The following IFI35 variants were observed in gnomAD, a reference collection of about 807,000 sequenced individuals.
IFI35 encodes the protein interferon induced protein 35, also known as interferon-induced 35 kDa protein.
A neutral mutation model predicts 28.6 loss-of-function variants in IFI35; 30 were observed. That is an observed-to-expected ratio of 1.05 (90% CI 0.79 to 1.43). The LOEUF is 1.43. Ranked by LOEUF, IFI35 falls within the 40% of genes most tolerant of loss-of-function variation. IFI35 has a pLI of 0.00. For synonymous variants in IFI35, 146 were observed against 154.8 expected (o/e 0.94, Z 0.42); for missense variants, 372 against 356.9 (o/e 1.04, Z -0.34).
intron 1 of IFI35, among the ~76,000 whole-genome samples, chr17:43,010,326 G>A (rs1407824746): frequency 6.6e-6 from 1 of 151,870 alleles, no homozygotes; most frequent in Admixed American, 6.6e-5. Context: ...CCAGGAGGTC[G>A]AGGCTGCAGT....
chr17:43,008,745 G>A (rs541952007), intron 1 of IFI35, among the ~76,000 whole-genome samples: 6 of 151,594 alleles, frequency 4.0e-5, no homozygotes, highest in Non-Finnish European at 8.8e-5. Context: ...GGATGGTCTC[G>A]AACTCCTGAC....
chr17:43,010,217 A>G (rs1400237049), intron 1 of IFI35, among the ~76,000 whole-genome samples: 3 of 150,768 alleles, frequency 2.0e-5, no homozygotes, highest in African/African-American at 7.3e-5. Context: ...CCTGGGCGAC[A>G]GGGTGAGACT....
At chr17:43,009,346 C>T (rs1351666480) in intron 1 of IFI35, among the ~76,000 whole-genome samples, 3 of 152,088 alleles carry the variant, frequency 2.0e-5, no homozygotes, top group African/African-American at 7.2e-5. Context: ...GGGCCTGGGT[C>T]CGTGGCTCCT....
chr17:43,007,879 A>G (rs1255002836), intron 1 of IFI35, among the ~76,000 whole-genome samples: 4 of 145,386 alleles, frequency 2.8e-5, no homozygotes, highest in African/African-American at 7.8e-5. Context: ...ATATACTATA[A>G]GAATTATACT....
At chr17:43,011,243 G>A (rs1009246342) in intron 1 of IFI35, among the ~76,000 whole-genome samples, 5 of 152,190 alleles carry the variant, frequency 3.3e-5, no homozygotes, top group African/African-American at 1.2e-4. Context: ...GATTGGCCAG[G>A]CATTGTGGCT....
chr17:43,008,503 A>C (rs1597776908), intron 1 of IFI35, among the ~76,000 whole-genome samples: 1 of 135,914 alleles, frequency 7.4e-6, no homozygotes, highest in Admixed American at 7.7e-5. Flanking sequence ...CACACATGCC[A>C]CCACGCCTGG....
rs1235165270 is a variant in IFI35 at position 43,014,435 on chromosome 17, AG to A, written c.*137del. 12 of 492,258 alleles carry A rather than the reference AG, an allele frequency of 2.4e-5. No homozygotes were observed. Among genetic ancestry groups the A allele is most frequent in the Middle Eastern group, 1.1e-3 (2 of 1,886 alleles). The allele number at this position is 492,258 out of a possible 1,614,324, so 30.5% of individuals were successfully genotyped here. A position where few individuals can be genotyped will look rare whatever the true frequency, so the allele number is the denominator to read the frequency against. ...CACATTGCAAAACACTGCCCAGAAC[AG>A]TAAAAAGAGCCTGCATGCCATGATG... On this transcript the variant is annotated 3_prime_UTR_variant, in exon 7 of 7. Transcript: ENST00000415816.
intron 1 of IFI35, among the ~76,000 whole-genome samples, chr17:43,008,882 T>G (rs1345480928): frequency 6.6e-6 from 1 of 152,108 alleles, no homozygotes; most frequent in East Asian, 1.9e-4. Flanking sequence ...CTCGAACTCC[T>G]GACCTCACAT....
Position 43,013,285 on chromosome 17 carries a change from A to G in IFI35, c.287A>G (p.Gln96Arg). The G allele has an allele frequency of 6.2e-7, 1 of 1,614,158 alleles. No homozygotes were observed. Residue 96 changes from glutamine to arginine, a missense_variant, in exon 4 of 7, where the codon CAA becomes CGA. Coordinates refer to ENST00000415816, the MANE Select transcript of IFI35 (RefSeq NM_001330230.2). ...CACCCAGTGGCTGAGCAGGTGCTGCAACAAAAGGAGCACACGATCAACATG... is the reference window on the plus strand; with the variant it reads ...CACCCAGTGGCTGAGCAGGTGCTGCGACAAAAGGAGCACACGATCAACATG... ...DDPKVAEQVL[Q>R]QKEHTINMEE...
Position 43,014,323 on chromosome 17 carries a change from C to T in IFI35, c.*24C>T, listed in dbSNP as rs1005817035. The T allele has an allele frequency of 6.7e-7, 1 of 1,495,806 alleles. No homozygotes were observed. The allele number at this position is 1,495,806 out of a possible 1,614,324, so 92.7% of individuals were successfully genotyped here. Reference sequence around the variant, plus strand: ...AGGGGCCTCCCCTTCTCATCCTCCCCACCCCCCCGCCAAGGTTCTCACACT... The same window carrying T: ...AGGGGCCTCCCCTTCTCATCCTCCCTACCCCCCCGCCAAGGTTCTCACACT... On this transcript the variant is annotated 3_prime_UTR_variant, in exon 7 of 7. Coordinates refer to ENST00000415816, the MANE Select transcript of IFI35 (RefSeq NM_001330230.2).
chr17:43,013,611 G>C lies in IFI35; in HGVS notation c.511G>C (p.Val171Leu), dbSNP rs140488187. The change falls in exon 5 of 7, where the codon GTT becomes CTT. Residue 171 changes from valine (V) to leucine (L), a missense_variant. Physicochemically the swap from Val to Leu is conservative, Grantham distance 32. Transcript: ENST00000415816. ...TAGGAACGGAGGTGGCGATGTGGAC[G>C]TTCGGGAGCTACTGCCAGGGAGTGT... ...KTRNGGGDVDVRELLPGSVML... is the reference protein window; with the variant it reads ...KTRNGGGDVDLRELLPGSVML... 4 of 1,614,058 alleles carry C rather than the reference G, an allele frequency of 2.5e-6. No individual in the cohort carries two copies. The Admixed American group carries it at 5.0e-5, about 20-fold the overall frequency.
At chr17:43,011,100 C>T (rs983538008) in intron 1 of IFI35, among the ~76,000 whole-genome samples, 1 of 152,194 alleles carries the variant, frequency 6.6e-6, no homozygotes, top group South Asian at 2.1e-4. Context: ...TACCTCCCCA[C>T]TCTGGGCTTC....
intron 1 of IFI35, among the ~76,000 whole-genome samples, chr17:43,007,847 T>TTTTATATATATATATA (rs1375752219): frequency 0.019 from 2,198 of 118,604 alleles, 44 homozygotes; most frequent in East Asian, 0.041. Context: ...CACACAAAAT[T>TTTTATATATATATATA]TATATATATA....
intron 1 of IFI35, 46 bp from the exon 2 acceptor site, chr17:43,012,133 C>T (rs765559644): frequency 9.3e-6 from 13 of 1,403,330 alleles, no homozygotes; most frequent in Non-Finnish European, 1.3e-5. Context: ...TGTTGATTCT[C>T]TGGAAGGGCG....
In IFI35 at chr17:43,012,206, GC is replaced by G; in HGVS notation, c.51del (p.Arg18AspfsTer4). On this transcript the variant is annotated frameshift_variant, in exon 2 of 7. Coordinates refer to ENST00000415816, the MANE Select transcript of IFI35 (RefSeq NM_001330230.2). LOFTEE classifies it high-confidence loss of function. ...CCTCCACGCCCTTCAGGAGGAGCAG[GC>G]CAGACTCAAGATGAGGCTGTGGGAC... ...AALHALQEEQ[A>X]RLKMRLWDLQ... is the part of the protein sequence containing the mutation. 6.3e-7 allele frequency: 1 copy of G among 1,576,764 alleles called. No individual in the cohort carries two copies.
rs528191120 is a variant in IFI35, at chr17:43,013,767, T to G, written c.563-9T>G. On this transcript the variant is annotated splice_polypyrimidine_tract_variant and intron_variant, in intron 5 of 6. Transcript: ENST00000415816. Reference sequence around the variant, plus strand: ...ATGCTAAAGGCCCACCCCTCCTTGCTCCCCACAGTGGCTCAGCGTCTGTGC... The same window carrying G: ...ATGCTAAAGGCCCACCCCTCCTTGCGCCCCACAGTGGCTCAGCGTCTGTGC... 2.7e-4 allele frequency: 443 copies of G among 1,613,132 alleles called. 4 individuals carry two copies. The South Asian group carries it at 4.7e-3, about 17-fold the overall frequency.
In IFI35 at chr17:43,014,186, G is replaced by C; in HGVS notation, c.748G>C (p.Val250Leu). The change falls in exon 7 of 7, where the codon GTC (valine) becomes CTC (leucine). Residue 250 changes from valine to leucine, a missense_variant. Val to Leu is a conservative substitution (Grantham distance 32). Transcript: ENST00000415816. ...CTTGGATGGCCCGGAGCTGCATGAC[G>C]TCCTGGAGATCCACTTCCAGAAGCC... ...DILDGPELHD[V>L]LEIHFQKPTR... 1 of 1,613,954 alleles carries C rather than the reference G, an allele frequency of 6.2e-7. No individual in the cohort carries two copies. Among genetic ancestry groups the C allele is most frequent in the Non-Finnish European group, 8.5e-7 (1 of 1,179,896 alleles).
intron 1 of IFI35, among the ~76,000 whole-genome samples, chr17:43,011,392 G>C (rs1024534626): frequency 6.6e-6 from 1 of 152,026 alleles, no homozygotes; most frequent in African/African-American, 2.4e-5. Context: ...GGTGGTGGGT[G>C]CCTGTAATCC....
intron 1 of IFI35, among the ~76,000 whole-genome samples, chr17:43,011,105 G>T (rs750254356): frequency 6.6e-6 from 1 of 152,098 alleles, no homozygotes; most frequent in African/African-American, 2.4e-5. Flanking sequence ...CCCCACTCTG[G>T]GCTTCATTTC....
Sources: allele counts gnomAD v4.1 joint callset (sites outside exome capture counted in the v4.1 genomes callset), GRCh38; gene constraint gnomAD v4.1.1; transcripts MANE v1.5; gene names NCBI Gene and HGNC (gene_info 2026-07-23, HGNC 2026-07-21).